The following DDB1 variants were observed in gnomAD, a reference collection of about 807,000 sequenced individuals.
The protein encoded by DDB1 is damage specific DNA binding protein 1, also known as DNA damage-binding protein 1.
In DDB1, 18 loss-of-function variants were observed where a neutral mutation model predicts 133.1. That is an observed-to-expected ratio of 0.14 (90% confidence interval 0.09 to 0.20). DDB1 has a LOEUF of 0.20. DDB1 is among the 10% of genes least tolerant of loss of function. The pLI, the probability that DDB1 is intolerant of heterozygous loss-of-function variation, is 1.00. For missense variants in DDB1, 828 were observed against 1,459.2 expected (o/e 0.57, Z 7.05); for synonymous variants, 580 against 550.5 (o/e 1.05, Z -0.75).
rs1436808001 is a variant in DDB1 at position 61,332,857 on chromosome 11, G to A, written c.61+51C>T. The A allele has an allele frequency of 4.5e-5, 63 of 1,387,280 alleles. No homozygotes were observed. In the East Asian group the frequency reaches 1.8e-3, roughly 41 times the overall value. The allele number at this position is 1,387,280 out of a possible 1,614,324, so 85.9% of individuals were successfully genotyped here. On this transcript the variant is annotated intron_variant, in intron 1 of 26. Coordinates refer to ENST00000301764, the MANE Select transcript of DDB1 (RefSeq NM_001923.5). ...GGGCGGCGGGCCTCCCTAGGCCGCG[G>A]CTCCCCCCAACTCCCTCACTCGCCG...
intron 21 of DDB1, among the ~76,000 whole-genome samples, chr11:61,304,752 C>CCA (rs2134896028): frequency 6.6e-6 from 1 of 151,852 alleles, no homozygotes; most frequent in Admixed American, 6.6e-5. Context: ...GTGGCGGGCA[C>CCA]CTGTAGTCCC....
At chr11:61,320,207 CTTTT>C (rs200495883) in intron 10 of DDB1, among the ~76,000 whole-genome samples, 53 of 144,482 alleles carry the variant, frequency 3.7e-4, no homozygotes, top group African/African-American at 1.2e-3. Context: ...TTCTTTTTTT[CTTTT>C]TTTTTTTGAG....
intron 25 of DDB1, chr11:61,301,301 C>A (rs1273323087): frequency 6.1e-6 from 1 of 165,278 alleles, no homozygotes; most frequent in Admixed American, 6.2e-5. Context: ...GTGGCTCATG[C>A]CTGTGAACCC....
At chr11:61,327,322 T>A (rs1359710419) in intron 4 of DDB1, among the ~76,000 whole-genome samples, 2 of 151,814 alleles carry the variant, frequency 1.3e-5, no homozygotes, top group Non-Finnish European at 2.9e-5. Flanking sequence ...ATACAAAAAT[T>A]AGCTGGCATG....
At chr11:61,326,149 G>C (rs934998314) in intron 5 of DDB1, 1 of 257,838 alleles carries the variant, frequency 3.9e-6, no homozygotes, top group African/African-American at 2.3e-5. Flanking sequence ...TCCCTACTGA[G>C]TGAGACAAAC....
intron 25 of DDB1, chr11:61,301,758 G>T (rs1346725115): frequency 6.5e-6 from 1 of 152,948 alleles, no homozygotes; most frequent in South Asian, 2.1e-4. Flanking sequence ...CCTCCAGGGG[G>T]GCGGGGAGGG....
intron 6 of DDB1, among the ~76,000 whole-genome samples, chr11:61,325,092 G>A (rs533971642): frequency 7.9e-5 from 12 of 152,146 alleles, no homozygotes; most frequent in African/African-American, 2.9e-4. Context: ...AGGTTGCAGT[G>A]AGCTGAGATC....
At chr11:61,312,394 G>A (rs1273197880) in intron 16 of DDB1, among the ~76,000 whole-genome samples, 5 of 152,174 alleles carry the variant, frequency 3.3e-5, no homozygotes, top group Non-Finnish European at 7.3e-5. Context: ...GAGTTGGCTG[G>A]AGGGCTTGTC....
intron 21 of DDB1, among the ~76,000 whole-genome samples, chr11:61,306,210 C>A (rs571554348): frequency 6.6e-6 from 1 of 152,230 alleles, no homozygotes; most frequent in Non-Finnish European, 1.5e-5. Context: ...TGGACAGCCA[C>A]TTCTCTGGGC....
intron 19 of DDB1, 141 bp from the exon 20 acceptor site, chr11:61,310,101 C>T: frequency 7.3e-7 from 1 of 1,379,132 alleles, no homozygotes. Flanking sequence ...GATTATCCAT[C>T]CCCCACCAGC....
chr11:61,313,823 A>G, intron 15 of DDB1, 39 bp downstream of exon 15: 9 of 1,609,532 alleles, frequency 5.6e-6, no homozygotes, highest in Non-Finnish European at 6.8e-6. Context: ...CTAATACTCT[A>G]TTTTTGAAAG....
chr11:61,315,756 C>T (rs1045148128), intron 12 of DDB1: 1 of 152,700 alleles, frequency 6.5e-6, no homozygotes, highest in African/African-American at 2.4e-5. Flanking sequence ...AACAATATGC[C>T]AGAAGGCTAT....
At chr11:61,312,800 T>C (rs764295100) in intron 16 of DDB1, among the ~76,000 whole-genome samples, 1 of 152,038 alleles carries the variant, frequency 6.6e-6, no homozygotes, top group South Asian at 2.1e-4. Flanking sequence ...GGTTTCGCCA[T>C]GTCGGCCAGA....
intron 21 of DDB1, among the ~76,000 whole-genome samples, chr11:61,304,276 A>G (rs1446651663): frequency 6.6e-6 from 1 of 152,150 alleles, no homozygotes; most frequent in Non-Finnish European, 1.5e-5. Flanking sequence ...TCCTTTACAT[A>G]AAAAAATGAG....
intron 4 of DDB1, among the ~76,000 whole-genome samples, chr11:61,328,954 A>G (rs936854466): frequency 6.6e-5 from 10 of 152,204 alleles, no homozygotes; most frequent in Non-Finnish European, 1.3e-4. Flanking sequence ...TCTTCTTAAA[A>G]AACACATATA....
intron 8 of DDB1, 35 bp downstream of exon 8, chr11:61,322,976 A>T: frequency 6.3e-7 from 1 of 1,577,966 alleles, no homozygotes; most frequent in Non-Finnish European, 8.7e-7. Context: ...CAGTGAGTAC[A>T]GCAAAAAAGA....
At chr11:61,304,161 T>C in intron 21 of DDB1, 126 bp from the exon 22 acceptor site, 1 of 953,662 alleles carries the variant, frequency 1.0e-6, no homozygotes, top group East Asian at 2.4e-5. Context: ...GGAAACGGTT[T>C]TATGAGGCAC....
In DDB1 at chr11:61,330,071, C is replaced by G; in HGVS notation, c.214G>C (p.Glu72Gln). 1 of 1,611,662 alleles carries G rather than the reference C, an allele frequency of 6.2e-7. No homozygotes were observed. Among genetic ancestry groups the G allele is most frequent in the Non-Finnish European group, 8.5e-7 (1 of 1,178,192 alleles). Residue 72 changes from glutamate to glutamine, a missense_variant, in exon 3 of 27, where the codon GAG (glutamate) becomes CAG (glutamine). Around this residue, in one of 7 missense-constraint regions of DDB1, gnomAD observed 210 missense variants for 344.8 expected, o/e 0.61. Transcript: ENST00000301764. ...AVMELFRPKG[E>Q]SKDLLFILTA... ...AAGATAAACAGCAGGTCCTTGCTCT[C>G]CCCCTGGAAACCAATATTATGCTAT...
intron 12 of DDB1, 56 bp from the exon 13 acceptor site, chr11:61,314,542 G>A (rs575706851): frequency 2.6e-6 from 4 of 1,532,142 alleles, no homozygotes; most frequent in African/African-American, 2.8e-5. Context: ...GTCCACACAG[G>A]AGTGGAAAGG....
Sources: allele counts gnomAD v4.1 joint callset (sites outside exome capture counted in the v4.1 genomes callset), GRCh38; gene constraint gnomAD v4.1.1; regional missense constraint gnomAD v4.1.1; transcripts MANE v1.5; gene names NCBI Gene and HGNC (gene_info 2026-07-23, HGNC 2026-07-21).